The following ESPNL variants were observed in gnomAD, a reference collection of about 807,000 sequenced individuals.
ESPNL encodes the protein espin-like protein.
ESPNL carries 49 observed loss-of-function variants against 46.8 expected under a neutral mutation model. That is an observed-to-expected ratio of 1.05 (90% confidence interval 0.83 to 1.33). The LOEUF (loss-of-function observed/expected upper bound fraction) is 1.33. Ranked by LOEUF, ESPNL falls within the 40% of genes most tolerant of loss-of-function variation. The pLI is 0.00. For synonymous variants in ESPNL, 664 were observed against 662.1 expected (o/e 1.00, Z -0.04); for missense variants, 1,540 against 1,436.6 (o/e 1.07, Z -1.16).
chr2:238,131,619 G>C lies in ESPNL; in HGVS notation c.2905G>C (p.Gly969Arg), dbSNP rs1461382277. 2 of 1,611,442 alleles carry C rather than the reference G, an allele frequency of 1.2e-6. No individual in the cohort carries two copies. Among genetic ancestry groups the C allele is most frequent in the East Asian group, 2.2e-5 (1 of 44,812 alleles). The change falls in exon 9 of 9, where the codon GGG (glycine) becomes CGG (arginine). Residue 969 changes from glycine (G) to arginine (R), a missense_variant. Physicochemically the swap from Gly to Arg is moderately radical, Grantham distance 125. Coordinates refer to ENST00000343063, the MANE Select transcript of ESPNL (RefSeq NM_194312.4). ...SGPEPTAQRLGSRSQQGSFNG... is the reference protein window; with the variant it reads ...SGPEPTAQRLRSRSQQGSFNG... ...CCCTGAGCCCACAGCACAGCGGCTG[G>C]GGTCCCGCTCCCAGCAGGGCAGCTT...
chr2:238,127,672 A>G lies in ESPNL; in HGVS notation c.1153A>G (p.Arg385Gly), dbSNP rs778905030. 1.2e-6 allele frequency: 2 copies of G among 1,612,750 alleles called. No homozygotes were observed. The highest frequency in any genetic ancestry group is 2.2e-5 in the South Asian group (2 of 90,788). Residue 385 changes from arginine (R) to glycine (G), a missense_variant, in exon 7 of 9, where the codon AGG (arginine) becomes GGG (glycine). Transcript: ENST00000343063. ...WPGHPDQPLP[R>G]EQMTSPAPPR... ...TGGCCATCCTGACCAGCCTCTTCCCAGGGAGCAGATGACCAGCCCGGCCCC... is the reference window on the plus strand; with the variant it reads ...TGGCCATCCTGACCAGCCTCTTCCCGGGGAGCAGATGACCAGCCCGGCCCC...
At chr2:238,128,985 A>G in intron 8 of ESPNL, 81 bp downstream of exon 8, 1 of 1,482,196 alleles carries the variant, frequency 6.7e-7, no homozygotes, top group Non-Finnish European at 9.0e-7. Context: ...AGGGCGCCCG[A>G]AGCCCAGAAC....
intron 5 of ESPNL, among the ~76,000 whole-genome samples, chr2:238,124,131 C>T (rs1235318121): frequency 1.3e-5 from 2 of 152,240 alleles, no homozygotes; most frequent in East Asian, 1.9e-4. Flanking sequence ...GTCCCTCCCC[C>T]TCCCACGACG....
intron 5 of ESPNL, 27 bp downstream of exon 5, chr2:238,117,061 T>C: frequency 1.9e-6 from 3 of 1,591,836 alleles, no homozygotes; most frequent in Non-Finnish European, 2.6e-6. Context: ...CCAGCTGCCC[T>C]GGAGGCATGG....
chr2:238,128,646 T>A, intron 7 of ESPNL, 61 bp from the exon 8 acceptor site: 1 of 1,502,044 alleles, frequency 6.7e-7, no homozygotes, highest in Non-Finnish European at 9.0e-7. Flanking sequence ...CTCTCGGATC[T>A]TCCCTCCACT....
At position 238,128,922 on chromosome 2, in the gene ESPNL, G is replaced by A. The variant is rs937001731; in HGVS notation, c.1413+18G>A. 14 of 1,528,290 alleles carry A rather than the reference G, an allele frequency of 9.2e-6. No individual in the cohort carries two copies. Among genetic ancestry groups the A allele is most frequent in the Non-Finnish European group, 1.1e-5 (13 of 1,138,992 alleles). The allele number at this position is 1,528,290 out of a possible 1,614,324, so 94.7% of individuals were successfully genotyped here. ...AGGCCCAGGTAGGCCCCCGGCAGGG[G>A]CGGGACCAGTGGGCGGGGCGGGGCC... On this transcript the variant is annotated intron_variant, in intron 8 of 8. Coordinates refer to ENST00000343063, the MANE Select transcript of ESPNL (RefSeq NM_194312.4).
chr2:238,123,528 C>T (rs1022739941), intron 5 of ESPNL, among the ~76,000 whole-genome samples: 31 of 152,310 alleles, frequency 2.0e-4, no homozygotes, highest in African/African-American at 7.0e-4. Flanking sequence ...TCTCCCAGAG[C>T]ATCCCCTCCC....
chr2:238,130,871 G>T lies in ESPNL; in HGVS notation c.2157G>T (p.Glu719Asp). 2 of 1,557,086 alleles carry T rather than the reference G, an allele frequency of 1.3e-6. No individual in the cohort carries two copies. Among genetic ancestry groups the T allele is most frequent in the East Asian group, 2.4e-5 (1 of 42,358 alleles). ...CCAGCGACTCTGGCATCAGCTGCGAGGAGGTGCCATCAGAGGCGGGTGCCG... is the reference window on the plus strand; with the variant it reads ...CCAGCGACTCTGGCATCAGCTGCGATGAGGTGCCATCAGAGGCGGGTGCCG... ...EEASDSGISC[E>D]EVPSEAGAAA... Residue 719 changes from glutamate to aspartate, a missense_variant, in exon 9 of 9, where the codon GAG becomes GAT. Glu to Asp is a conservative substitution (Grantham distance 45). Coordinates refer to ENST00000343063, the MANE Select transcript of ESPNL (RefSeq NM_194312.4).
At chr2:238,127,347 C>G (rs1372893760) in intron 6 of ESPNL, 2 of 1,260,436 alleles carry the variant, frequency 1.6e-6, no homozygotes, top group Non-Finnish European at 2.0e-6. Flanking sequence ...TCAAGCCCTT[C>G]CCAGCTCCTC....
intron 4 of ESPNL, among the ~76,000 whole-genome samples, chr2:238,109,402 C>T (rs907151565): frequency 1.2e-4 from 18 of 152,220 alleles, no homozygotes; most frequent in African/African-American, 3.9e-4. Context: ...GAATTCAAAA[C>T]ACACAACAGC....
chr2:238,131,543 AGGT>A lies in ESPNL; in HGVS notation c.2830_2832del (p.Gly944del). On this transcript the variant is annotated inframe_deletion, in exon 9 of 9. Coordinates refer to ENST00000343063, the MANE Select transcript of ESPNL (RefSeq NM_194312.4). ...GGGATACGGAGCCTGGCCGCAAGTC[AGGT>A]CTGACCCTGCTCGGGCCCCTGCCTC... The A allele has an allele frequency of 6.2e-7, 1 of 1,611,400 alleles. No individual in the cohort carries two copies. Among genetic ancestry groups the A allele is most frequent in the Non-Finnish European group, 8.5e-7 (1 of 1,179,232 alleles).
At chr2:238,102,995 G>A (rs879602783) in intron 2 of ESPNL, among the ~76,000 whole-genome samples, 1 of 152,226 alleles carries the variant, frequency 6.6e-6, no homozygotes, top group Admixed American at 6.5e-5. Flanking sequence ...TTCCCATCCT[G>A]GACTGCTTGG....
chr2:238,115,100 C>T (rs1425762026), intron 4 of ESPNL, among the ~76,000 whole-genome samples: 1 of 152,148 alleles, frequency 6.6e-6, no homozygotes, highest in Non-Finnish European at 1.5e-5. Context: ...GGTCTTGTGG[C>T]GGTTCTGGAG....
chr2:238,105,721 CG>C (rs902746450), intron 3 of ESPNL, among the ~76,000 whole-genome samples: 1 of 152,010 alleles, frequency 6.6e-6, no homozygotes, highest in Admixed American at 6.5e-5. Context: ...CTGGGAGGAC[CG>C]GGGCTCTTTC....
Position 238,104,791 on chromosome 2 carries a change from C to T in ESPNL, c.621C>T (p.Ser207=), listed in dbSNP as rs144038376. The T allele has an allele frequency of 1.1e-5, 17 of 1,577,428 alleles. No individual in the cohort carries two copies. Among genetic ancestry groups the T allele is most frequent in the African/African-American group, 5.4e-5 (4 of 73,910 alleles). The change falls in exon 3 of 9, where the codon AGC becomes AGT. Residue 207 remains serine (S), a synonymous_variant. Transcript: ENST00000343063. ...DVHLRALDGM[S]ALHAAAARGH... ...ACCTTCGTGCTCTCGATGGCATGAGCGCCCTGCACGCTGCCGCCGCCCGTG... is the reference window on the plus strand; with the variant it reads ...ACCTTCGTGCTCTCGATGGCATGAGTGCCCTGCACGCTGCCGCCGCCCGTG...
chr2:238,104,690 C>T lies in ESPNL; in HGVS notation c.520C>T (p.Pro174Ser). 6 of 1,604,334 alleles carry T rather than the reference C, an allele frequency of 3.7e-6. No individual in the cohort carries two copies. Among genetic ancestry groups the T allele is most frequent in the Non-Finnish European group, 5.1e-6 (6 of 1,176,248 alleles). The stretch of plus-strand genomic sequence containing the variant: ...CCGGCGGACACGCAGTGGCGCCTCC[C>T]CACTCTACCTGGCCTGCCAGGAGGG... Reference protein sequence around the residue: ...VNRRTRSGASPLYLACQEGHL... With the variant: ...VNRRTRSGASSLYLACQEGHL... Residue 174 changes from proline to serine, a missense_variant, in exon 3 of 9, where the codon CCA (proline) becomes TCA (serine). Physicochemically the swap from Pro to Ser is moderately conservative, Grantham distance 74 (BLOSUM62 -1). Transcript: ENST00000343063.
At chr2:238,128,591 G>A in intron 7 of ESPNL, 116 bp from the exon 8 acceptor site, 1 of 950,496 alleles carries the variant, frequency 1.1e-6, no homozygotes, top group African/African-American at 1.6e-5. Flanking sequence ...CCTCCTCTCA[G>A]GGCGCCCTGT....
rs1346504600 is a variant in ESPNL at position 238,131,507 on chromosome 2, G to A, written c.2793G>A (p.Gln931=). ...AAGCCCGCTTCTTTGGCTCCAGCCAGCGTCCCGCCTGGGATACGGAGCCTG... is the reference window on the plus strand; with the variant it reads ...AAGCCCGCTTCTTTGGCTCCAGCCAACGTCCCGCCTGGGATACGGAGCCTG... ...DIKARFFGSS[Q]RPAWDTEPGR... is the part of the protein sequence containing the mutation. Residue 931 remains glutamine (Q), a synonymous_variant, in exon 9 of 9, where the codon CAG becomes CAA. Transcript: ENST00000343063. 3 of 1,611,610 alleles carry A rather than the reference G, an allele frequency of 1.9e-6. No individual in the cohort carries two copies. The African/African-American group carries it at 4.0e-5, about 22-fold the overall frequency.
In ESPNL at chr2:238,130,176, T is replaced by G. The variant is rs747048837; in HGVS notation, c.1462T>G (p.Ser488Ala). The G allele has an allele frequency of 6.2e-7, 1 of 1,612,808 alleles. No homozygotes were observed. Among genetic ancestry groups the G allele is most frequent in the Non-Finnish European group, 8.5e-7 (1 of 1,179,960 alleles). The part of the protein sequence containing the change: ...GPTEQAAWRY[S>A]QTHQAILGPF... ...CACGGAGCAGGCGGCCTGGAGGTAC[T>G]CACAGACTCATCAGGCCATCCTGGG... is the stretch of plus-strand genomic sequence containing the variant. The change falls in exon 9 of 9, where the codon TCA becomes GCA. Residue 488 changes from serine (S) to alanine (A), a missense_variant. Coordinates refer to ENST00000343063, the MANE Select transcript of ESPNL (RefSeq NM_194312.4).
Sources: gnomAD v4.1 joint callset for allele counts (sites outside exome capture counted in the v4.1 genomes callset) on GRCh38, gnomAD v4.1.1 for gene constraint, MANE v1.5 for transcripts, NCBI Gene and HGNC (gene_info 2026-07-23, HGNC 2026-07-21) for gene names.